Variants in GALNT13 observed in about 807,000 individuals in gnomAD.
GALNT13 encodes the protein UDP-GalNAc:polypeptide N-acetylgalactosaminyltransferase 13.
Under a neutral mutation model 64.2 loss-of-function variants are expected in GALNT13, and 28 were observed. The observed-to-expected ratio is 0.44, with a 90% CI of 0.32 to 0.60. GALNT13 has a LOEUF of 0.60. GALNT13 is among the 20% of genes least tolerant of loss of function. The pLI is 0.05. For synonymous variants in GALNT13, 214 were observed against 224.6 expected, an observed-to-expected ratio of 0.95 and a Z score of 0.42; for missense variants, 577 against 669.8, an observed-to-expected ratio of 0.86 and a Z score of 1.53.
chr2:154,292,076 C>A (rs1692677551), intron 8 of GALNT13, among the ~76,000 whole-genome samples: 1 of 152,064 alleles, frequency 6.6e-6, no homozygotes, highest in Non-Finnish European at 1.5e-5. Flanking sequence ...GCTCTGTGCT[C>A]TGGGTGGAGC....
rs1701942869 is a variant in GALNT13, at chr2:154,453,338, A to G, written c.*2787A>G. ...CCTCTACACGTCCACACCACTCACC[A>G]CACATACATACACATGCACACACAC... On this transcript the variant is annotated 3_prime_UTR_variant, in exon 13 of 13. Coordinates refer to ENST00000392825, the MANE Select transcript of GALNT13 (RefSeq NM_052917.4). The G allele has an allele frequency of 6.6e-6, 1 of 152,074 alleles. No homozygotes were observed. The highest frequency in any genetic ancestry group is 1.5e-5 in the Non-Finnish European group (1 of 68,080). 9.4% of individuals were successfully genotyped at this position (152,074 alleles called of 1,614,324 possible). A position where few individuals can be genotyped will look rare whatever the true frequency, so the allele number is the denominator to read the frequency against.
At chr2:153,221,908 C>A in the GALNT13 span, among the ~76,000 whole-genome samples, 4 of 152,182 alleles carry the variant, frequency 2.6e-5, no homozygotes, top group Admixed American at 2.6e-4. Flanking sequence ...AACCGCAAAG[C>A]CCCAAAGAAG....
chr2:153,251,875 G>A, the GALNT13 span, among the ~76,000 whole-genome samples: 1 of 151,656 alleles, frequency 6.6e-6, no homozygotes, highest in Non-Finnish European at 1.5e-5. Flanking sequence ...TATCATTATT[G>A]GACATTTGGG....
chr2:154,011,903 C>T (rs1247884081), intron 3 of GALNT13, among the ~76,000 whole-genome samples: 1 of 152,068 alleles, frequency 6.6e-6, no homozygotes, highest in Non-Finnish European at 1.5e-5. Context: ...TTTAATTTTA[C>T]ATTTACTTGG....
chr2:154,276,022 C>A (rs1056571938), intron 8 of GALNT13, among the ~76,000 whole-genome samples: 1 of 152,006 alleles, frequency 6.6e-6, no homozygotes, highest in East Asian at 1.9e-4. Context: ...TTTGTTTGGG[C>A]CAATTTCTCC....
intron 9 of GALNT13, among the ~76,000 whole-genome samples, chr2:154,329,572 T>C (rs1274610800): frequency 6.6e-6 from 1 of 152,184 alleles, no homozygotes; most frequent in Non-Finnish European, 1.5e-5. Context: ...GTGAATTTCT[T>C]ATACTGCAAC....
the GALNT13 span, among the ~76,000 whole-genome samples, chr2:153,124,590 C>G: frequency 3.9e-5 from 6 of 152,166 alleles, no homozygotes; most frequent in African/African-American, 1.4e-4. Flanking sequence ...ACTGCAACCT[C>G]CACCTCCTGG....
chr2:154,172,648 TAG>T (rs201463231), intron 4 of GALNT13, among the ~76,000 whole-genome samples: 1 of 80,760 alleles, frequency 1.2e-5, no homozygotes, highest in African/African-American at 3.2e-5. Context: ...AATAATATTC[TAG>T]AGTGTGTGTG....
intron 2 of GALNT13, among the ~76,000 whole-genome samples, chr2:153,935,136 G>A (rs774276620): frequency 6.6e-6 from 1 of 152,152 alleles, no homozygotes. Context: ...CCTGTGGTCC[G>A]GGACTCAGTC....
intron 3 of GALNT13, among the ~76,000 whole-genome samples, chr2:154,000,964 G>T (rs571797992): frequency 4.0e-5 from 6 of 151,884 alleles, no homozygotes; most frequent in African/African-American, 1.4e-4. Context: ...TATATATTTG[G>T]GTGCTCTGGT....
intron 11 of GALNT13, 115 bp downstream of exon 11, chr2:154,409,197 G>A (rs771207189): frequency 1.4e-6 from 1 of 739,262 alleles, no homozygotes; most frequent in Non-Finnish European, 2.4e-6. Context: ...ATAAATAAAT[G>A]TACACTCAAA....
At chr2:154,107,897 A>G (rs887557713) in intron 3 of GALNT13, among the ~76,000 whole-genome samples, 4 of 152,116 alleles carry the variant, frequency 2.6e-5, no homozygotes, top group African/African-American at 9.7e-5. Context: ...ACTTAGCATA[A>G]TGTTCTCCAA....
In GALNT13 at chr2:153,917,115, C is replaced by T. The variant is rs151292366; in HGVS notation, c.-105+16108C>T. Among the ~76,000 whole-genome samples the T allele has an allele frequency of 4.3e-3, 622 of 143,734 alleles. 3 individuals carry two copies. The highest frequency in any genetic ancestry group is 0.015 in the African/African-American group (594 of 38,948). 94.3% of individuals were successfully genotyped at this position (143,734 alleles called of 152,430 possible). ...CACCTATTTAACAGCTTTAAAACAC[C>T]GTAATTCTGTGCATTTTTTTTTTGC... On this transcript the variant is annotated intron_variant, in intron 2 of 12. Transcript: ENST00000392825.
intron 3 of GALNT13, among the ~76,000 whole-genome samples, chr2:154,066,242 C>T (rs531894723): frequency 1.3e-5 from 2 of 151,984 alleles, no homozygotes; most frequent in East Asian, 1.9e-4. Context: ...AAAATAGCCT[C>T]AGAAGGGCAA....
chr2:153,769,929 C>A, the GALNT13 span, among the ~76,000 whole-genome samples: 1 of 152,018 alleles, frequency 6.6e-6, no homozygotes, highest in Non-Finnish European at 1.5e-5. Context: ...TCTGTTTAGT[C>A]TTTTTGTAAT....
chr2:154,164,748 T>G (rs1270618806), intron 4 of GALNT13, among the ~76,000 whole-genome samples: 1 of 152,122 alleles, frequency 6.6e-6, no homozygotes, highest in African/African-American at 2.4e-5. Flanking sequence ...TAGAACTTGA[T>G]TATAGAATGA....
the GALNT13 span, among the ~76,000 whole-genome samples, chr2:153,629,840 C>G: frequency 6.8e-6 from 1 of 147,232 alleles, no homozygotes; most frequent in Non-Finnish European, 1.5e-5. Flanking sequence ...GGGCGAGGGA[C>G]ATGAACAGAC....
the GALNT13 span, among the ~76,000 whole-genome samples, chr2:153,172,639 A>T: frequency 2.0e-5 from 3 of 152,286 alleles, no homozygotes; most frequent in South Asian, 6.2e-4. Flanking sequence ...CAGCAGGGTC[A>T]CTAGTACCTG....
chr2:153,300,013 A>G, the GALNT13 span, among the ~76,000 whole-genome samples: 1 of 152,160 alleles, frequency 6.6e-6, no homozygotes, highest in Non-Finnish European at 1.5e-5. Flanking sequence ...TCTGACAGCT[A>G]TTCCTGGATT....
Sources: allele counts gnomAD v4.1 joint callset (sites outside exome capture counted in the v4.1 genomes callset), GRCh38; gene constraint gnomAD v4.1.1; transcripts MANE v1.5; gene names NCBI Gene and HGNC (gene_info 2026-07-23, HGNC 2026-07-21).